Variants in DPF3 observed in about 807,000 individuals in gnomAD.
DPF3 encodes zinc finger protein DPF3.
DPF3 carries 18 observed loss-of-function variants against 56.8 expected under a neutral mutation model. The observed-to-expected ratio is 0.32, with a 90% CI of 0.22 to 0.47. DPF3 has a LOEUF of 0.47. DPF3 is among the 20% of genes least tolerant of loss of function. The pLI is 1.00. For synonymous variants in DPF3, 188 were observed against 180.2 expected (o/e 1.04, Z -0.35); for missense variants, 403 against 488.8 (o/e 0.82, Z 1.65).
chr14:72,805,326 C>T (rs748981821), intron 1 of DPF3, among the ~76,000 whole-genome samples: 7 of 151,458 alleles, frequency 4.6e-5, no homozygotes, highest in Non-Finnish European at 1.0e-4. Flanking sequence ...CAAAATTAGC[C>T]GGGCATGGTG....
intron 7 of DPF3, among the ~76,000 whole-genome samples, chr14:72,674,750 G>A (rs909260063): frequency 1.3e-5 from 2 of 152,264 alleles, no homozygotes; most frequent in African/African-American, 4.8e-5. Flanking sequence ...ACACACCATG[G>A]TGTGAGGACA....
intron 8 of DPF3, chr14:72,661,733 G>A: frequency 1.0e-6 from 1 of 985,422 alleles, no homozygotes; most frequent in Non-Finnish European, 1.2e-6. Context: ...TAGCCCTTGG[G>A]GACAGCTCTG....
intron 7 of DPF3, among the ~76,000 whole-genome samples, chr14:72,688,207 T>G: frequency 1.8e-5 from 2 of 109,448 alleles, no homozygotes; most frequent in Admixed American, 9.4e-5. Context: ...GGTGGGTGGG[T>G]GTGTGGGTGG....
intron 5 of DPF3, among the ~76,000 whole-genome samples, chr14:72,720,281 C>T (rs2153576407): frequency 6.6e-6 from 1 of 152,182 alleles, no homozygotes; most frequent in Middle Eastern, 3.4e-3. Flanking sequence ...TCGCTTGAGG[C>T]CAGGAGTTCC....
intron 1 of DPF3, among the ~76,000 whole-genome samples, chr14:72,883,095 A>C (rs546114476): frequency 3.8e-4 from 58 of 152,312 alleles, no homozygotes; most frequent in African/African-American, 1.3e-3. Flanking sequence ...CCAAAGATGT[A>C]TCGAGAGTTG....
At chr14:72,854,032 A>G (rs1238115029) in intron 1 of DPF3, among the ~76,000 whole-genome samples, 2 of 152,078 alleles carry the variant, frequency 1.3e-5, no homozygotes, top group Non-Finnish European at 2.9e-5. Flanking sequence ...CATGAAACCA[A>G]CCAATAGACT....
At position 72,859,476 on chromosome 14, in the gene DPF3, C is replaced by T. The variant is rs565322797; in HGVS notation, c.32+34581G>A. ...TGGTTCTCTGCAGCTTCCTCCCCCC[C>T]CCCCCCCACACCATTCCCCCCTAAC... On this transcript the variant is annotated intron_variant, in intron 1 of 10. Transcript: ENST00000556509. Among the ~76,000 whole-genome samples, 12 of 106,828 alleles carry T rather than the reference C, an allele frequency of 1.1e-4. 1 individual carries two copies. Among genetic ancestry groups the T allele is most frequent in the Admixed American group, 9.1e-5 (1 of 11,030 alleles). 70.1% of individuals were successfully genotyped at this position (106,828 alleles called of 152,430 possible). A position where few individuals can be genotyped will look rare whatever the true frequency, so the allele number is the denominator to read the frequency against.
chr14:72,892,942 TGGAAGGAAGGAAGGAAGGAAGGAAGGAA>T (rs61598180), intron 1 of DPF3, among the ~76,000 whole-genome samples: 10,499 of 132,646 alleles, frequency 0.079, 1,233 homozygotes, highest in African/African-American at 0.14. Flanking sequence ...TTCCACTGAC[TGGAAGGAAGGAAGGAAGGAAGGAAGGAA>T]GGAAGGAAGG....
intron 1 of DPF3, among the ~76,000 whole-genome samples, chr14:72,846,830 T>G (rs764896560): frequency 6.6e-6 from 1 of 152,216 alleles, no homozygotes; most frequent in Non-Finnish European, 1.5e-5. Context: ...CTAAATTCAC[T>G]GGCTCCTACT....
At chr14:72,664,288 C>A (rs1427212735) in intron 8 of DPF3, among the ~76,000 whole-genome samples, 1 of 152,158 alleles carries the variant, frequency 6.6e-6, no homozygotes, top group Non-Finnish European at 1.5e-5. Context: ...GTCTCATAAG[C>A]TTACCCCACA....
At chr14:72,646,708 A>C (rs1415240725) in intron 8 of DPF3, among the ~76,000 whole-genome samples, 1 of 152,096 alleles carries the variant, frequency 6.6e-6, no homozygotes, top group African/African-American at 2.4e-5. Context: ...TCCATGCGGA[A>C]TTTTTCCTTT....
At chr14:72,630,669 T>C (rs1376060774) in intron 8 of DPF3, among the ~76,000 whole-genome samples, 2 of 152,100 alleles carry the variant, frequency 1.3e-5, no homozygotes, top group Non-Finnish European at 1.5e-5. Flanking sequence ...TTGGATGACA[T>C]TCCCAAGTCG....
intron 1 of DPF3, among the ~76,000 whole-genome samples, chr14:72,833,380 G>A (rs945512235): frequency 2.0e-5 from 3 of 152,212 alleles, no homozygotes; most frequent in Non-Finnish European, 4.4e-5. Context: ...GGAACGTGGT[G>A]AGTTTTGAAC....
intron 3 of DPF3, among the ~76,000 whole-genome samples, chr14:72,734,624 CCCAGAA>C (rs1240058295): frequency 1.3e-5 from 2 of 152,118 alleles, no homozygotes; most frequent in Non-Finnish European, 2.9e-5. Context: ...AGTGTTATTT[CCCAGAA>C]TGGTACAGCA....
intron 2 of DPF3, among the ~76,000 whole-genome samples, chr14:72,755,400 G>T (rs1487818187): frequency 2.6e-5 from 4 of 152,186 alleles, no homozygotes; most frequent in Non-Finnish European, 5.9e-5. Context: ...ATCTCCAGAA[G>T]AAGGGGCTGT....
chr14:72,859,296 C>T (rs1885291144), intron 1 of DPF3, among the ~76,000 whole-genome samples: 1 of 152,032 alleles, frequency 6.6e-6, no homozygotes, highest in African/African-American at 2.4e-5. Context: ...ATTTTCCATA[C>T]TATACAGTAA....
In DPF3 at chr14:72,611,502, C is replaced by T. The variant is rs1883111108; in HGVS notation, c.*7795G>A. On this transcript the variant is annotated 3_prime_UTR_variant, in exon 11 of 11. Coordinates refer to ENST00000556509, the MANE Select transcript of DPF3 (RefSeq NM_001280542.3). ...TCTGGTGGAGTGTGCCCAATCTGTACTTGAAGCCCCCACCCCCCCAGTCCC... is the reference window on the plus strand; with the variant it reads ...TCTGGTGGAGTGTGCCCAATCTGTATTTGAAGCCCCCACCCCCCCAGTCCC... 6.6e-6 allele frequency among the ~76,000 whole-genome samples: 1 copy of T among 152,018 alleles called. No homozygotes were observed. The highest frequency in any genetic ancestry group is 2.1e-4 in the South Asian group (1 of 4,814).
At chr14:72,641,265 C>T (rs1039166607) in intron 8 of DPF3, among the ~76,000 whole-genome samples, 4 of 152,214 alleles carry the variant, frequency 2.6e-5, no homozygotes, top group African/African-American at 9.7e-5. Flanking sequence ...TCACAACATG[C>T]TTCTTCTGCC....
intron 1 of DPF3, among the ~76,000 whole-genome samples, chr14:72,877,720 T>G (rs1326539745): frequency 6.6e-6 from 1 of 152,202 alleles, no homozygotes; most frequent in Non-Finnish European, 1.5e-5. Flanking sequence ...TGCTCTGGAC[T>G]GAGGAACTAT....
Sources: allele counts gnomAD v4.1 joint callset (sites outside exome capture counted in the v4.1 genomes callset), GRCh38; gene constraint gnomAD v4.1.1; transcripts MANE v1.5; gene names NCBI Gene and HGNC (gene_info 2026-07-23, HGNC 2026-07-21).